Variants in PTPRK observed in about 807,000 individuals in gnomAD.
The protein encoded by PTPRK is receptor-type tyrosine-protein phosphatase kappa.
In PTPRK, 75 loss-of-function variants were observed where a neutral mutation model predicts 178.0. The ratio of observed to expected loss-of-function variants is 0.42; its 90% confidence interval spans 0.35 to 0.51. The LOEUF (loss-of-function observed/expected upper bound fraction) is 0.51. PTPRK is among the 20% of genes least tolerant of loss of function. PTPRK has a pLI of 0.02. For missense variants in PTPRK, 1,441 were observed against 1,797.8 expected, an observed-to-expected ratio of 0.80 and a Z score of 3.59; for synonymous variants, 637 against 620.6, an observed-to-expected ratio of 1.03 and a Z score of -0.39.
intron 7 of PTPRK, among the ~76,000 whole-genome samples, chr6:128,121,173 G>A (rs917504489): frequency 4.6e-5 from 7 of 151,788 alleles, no homozygotes; most frequent in Admixed American, 4.6e-4. Flanking sequence ...AAAAATAAAG[G>A]TAAAATAAAT....
intron 13 of PTPRK, among the ~76,000 whole-genome samples, chr6:128,041,513 C>T (rs1777158925): frequency 6.6e-6 from 1 of 151,854 alleles, no homozygotes; most frequent in Admixed American, 6.6e-5. Context: ...TACTTTTTCC[C>T]TGCAATTGGA....
In PTPRK at chr6:128,005,400, A is replaced by T. The variant is rs540001026; in HGVS notation, c.2334-156T>A. Among the ~76,000 whole-genome samples, 94 of 151,854 alleles carry T rather than the reference A, an allele frequency of 6.2e-4. 1 individual carries two copies. The highest frequency in any genetic ancestry group is 2.2e-3 in the African/African-American group (90 of 41,486). ...CACAATTTCAGGAATTAAGTTTGAC[A>T]TTCAAACAATTATATTTGCTCCTTG... On this transcript the variant is annotated intron_variant, in intron 14 of 29. Transcript: ENST00000368226.
chr6:128,519,706 A>T lies in PTPRK; in HGVS notation c.100+553T>A, dbSNP rs1360304832. Reference sequence around the variant, plus strand: ...CCCGAGCGCACAGGGCAAGCCCGGGAGCAACCCAGAGCTGGGGGAGGAGAA... The same window carrying T: ...CCCGAGCGCACAGGGCAAGCCCGGGTGCAACCCAGAGCTGGGGGAGGAGAA... On this transcript the variant is annotated intron_variant, in intron 1 of 29. Coordinates refer to ENST00000368226, the MANE Select transcript of PTPRK (RefSeq NM_002844.4). This position sits in a 1 kb window ranked among gnomAD's most constrained non-coding sequence, Gnocchi z 4.3. Among the ~76,000 whole-genome samples, 1 of 152,216 alleles carries T rather than the reference A, an allele frequency of 6.6e-6. No homozygotes were observed. Among genetic ancestry groups the T allele is most frequent in the African/African-American group, 2.4e-5 (1 of 41,476 alleles).
At chr6:128,359,033 G>A (rs947896888) in intron 2 of PTPRK, among the ~76,000 whole-genome samples, 4 of 152,234 alleles carry the variant, frequency 2.6e-5, no homozygotes, top group South Asian at 2.1e-4. Flanking sequence ...GATGCATACT[G>A]TAGACAATAC....
chr6:128,289,018 C>T (rs1822956671), intron 3 of PTPRK, among the ~76,000 whole-genome samples: 1 of 152,100 alleles, frequency 6.6e-6, no homozygotes, highest in Non-Finnish European at 1.5e-5. Flanking sequence ...AATCTATGGT[C>T]ACTATGGCTA....
At chr6:127,975,823 C>A (rs548737268) in intron 27 of PTPRK, among the ~76,000 whole-genome samples, 2 of 152,236 alleles carry the variant, frequency 1.3e-5, no homozygotes, top group South Asian at 2.1e-4. Context: ...AGGCATGCCA[C>A]CACCATGTCC....
At chr6:128,502,366 C>T (rs1855685793) in intron 1 of PTPRK, among the ~76,000 whole-genome samples, 1 of 152,198 alleles carries the variant, frequency 6.6e-6, no homozygotes, top group Non-Finnish European at 1.5e-5. Flanking sequence ...ACAGTGGATG[C>T]ACCAAAGCCT....
intron 13 of PTPRK, among the ~76,000 whole-genome samples, chr6:128,052,951 G>A (rs73775705): frequency 0.021 from 3,181 of 151,982 alleles, 98 homozygotes; most frequent in African/African-American, 0.074. Context: ...TTTTTTTAGC[G>A]CTTTCTGGCA....
At chr6:128,005,936 C>T in intron 14 of PTPRK, 1 of 1,036,170 alleles carries the variant, frequency 9.7e-7, no homozygotes, top group Admixed American at 3.3e-5. Context: ...TGAAATGTCA[C>T]CAAAATTGCA....
chr6:128,219,316 AT>A (rs1368858671), intron 5 of PTPRK, among the ~76,000 whole-genome samples: 1 of 152,084 alleles, frequency 6.6e-6, no homozygotes, highest in African/African-American at 2.4e-5. Context: ...CTGGAAGACA[AT>A]TTTTCTATGG....
At chr6:128,194,070 T>TA (rs1222166687) in intron 6 of PTPRK, among the ~76,000 whole-genome samples, 1,468 of 131,280 alleles carry the variant, frequency 0.011, 24 homozygotes, top group African/African-American at 0.043. Context: ...ATATATATTA[T>TA]TATTATTATT....
intron 7 of PTPRK, among the ~76,000 whole-genome samples, chr6:128,166,188 C>T (rs1016213525): frequency 3.3e-5 from 5 of 151,630 alleles, no homozygotes; most frequent in South Asian, 2.1e-4. Context: ...TTATGCATTA[C>T]GGACATTCCC....
intron 1 of PTPRK, among the ~76,000 whole-genome samples, chr6:128,402,499 G>A (rs146925150): frequency 7.6e-4 from 116 of 152,258 alleles, no homozygotes; most frequent in African/African-American, 2.6e-3. Flanking sequence ...TGATCCACCC[G>A]TCTTGGCCTC....
chr6:127,997,359 G>A (rs1181002771), intron 16 of PTPRK, among the ~76,000 whole-genome samples: 1 of 152,050 alleles, frequency 6.6e-6, no homozygotes, highest in Non-Finnish European at 1.5e-5. Context: ...TCTTTCAAGT[G>A]TGCATCATTT....
intron 1 of PTPRK, among the ~76,000 whole-genome samples, chr6:128,479,969 G>A (rs1851852075): frequency 6.6e-6 from 1 of 152,054 alleles, no homozygotes; most frequent in Non-Finnish European, 1.5e-5. Context: ...ACTCAGTGGT[G>A]GCTTTCTGAA....
In PTPRK at chr6:128,005,948, G is replaced by A. The variant is rs547015451; in HGVS notation, c.2334-704C>T. 10 of 1,124,918 alleles carry A rather than the reference G, an allele frequency of 8.9e-6. No homozygotes were observed. In the South Asian group the frequency reaches 1.2e-4, roughly 14 times the overall value. The allele number at this position is 1,124,918 out of a possible 1,614,324, so 69.7% of individuals were successfully genotyped here. On this transcript the variant is annotated intron_variant, in intron 14 of 29. Transcript: ENST00000368226. Reference sequence around the variant, plus strand: ...TTTTGAAATGTCACCAAAATTGCAAGCATTCTGTTTTGTTTTTGAAAAGGG... The same window carrying A: ...TTTTGAAATGTCACCAAAATTGCAAACATTCTGTTTTGTTTTTGAAAAGGG...
intron 1 of PTPRK, among the ~76,000 whole-genome samples, chr6:128,515,294 T>TA (rs1857806155): frequency 6.6e-6 from 1 of 152,150 alleles, no homozygotes; most frequent in South Asian, 2.1e-4. Context: ...TCAATTGAAA[T>TA]AAAAAATAGC....
chr6:128,179,596 A>G (rs886499728), intron 7 of PTPRK, among the ~76,000 whole-genome samples: 1 of 152,058 alleles, frequency 6.6e-6, no homozygotes, highest in Admixed American at 6.6e-5. Context: ...AAGCATTGAT[A>G]TAAGCCAACA....
chr6:128,201,257 C>CAAGAAATGTT (rs1562780075), intron 6 of PTPRK, among the ~76,000 whole-genome samples: 5 of 152,002 alleles, frequency 3.3e-5, no homozygotes, highest in African/African-American at 4.8e-5. Flanking sequence ...GACATAAAAT[C>CAAGAAATGTT]CAAGAAAAAT....
Sources: allele counts gnomAD v4.1 joint callset (sites outside exome capture counted in the v4.1 genomes callset), GRCh38; gene constraint gnomAD v4.1.1; non-coding constraint Gnocchi (gnomAD v3.1); transcripts MANE v1.5; gene names NCBI Gene and HGNC (gene_info 2026-07-23, HGNC 2026-07-21).